Variants in CADPS observed in about 807,000 individuals in gnomAD.
CADPS encodes the protein calcium dependent secretion activator.
CADPS carries 57 observed loss-of-function variants against 167.3 expected under a neutral mutation model. That is an observed-to-expected ratio of 0.34 (90% CI 0.28 to 0.42). The LOEUF is 0.42. CADPS is among the 20% of genes least tolerant of loss of function. The probability of loss-of-function intolerance (pLI) is 1.00; values close to 1 mark genes in which losing one functional copy is unlikely to be tolerated. For missense variants in CADPS, 1,414 were observed against 1,738.1 expected, an observed-to-expected ratio of 0.81 and a Z score of 3.32; for synonymous variants, 676 against 635.3, an observed-to-expected ratio of 1.06 and a Z score of -0.96.
Position 62,778,891 on chromosome 3 carries a change from C to G in CADPS, c.442-12907G>C, listed in dbSNP as rs894854978. On this transcript the variant is annotated intron_variant, in intron 1 of 29. Transcript: ENST00000383710. ...GAAATGGAAACTAGATTTTTCTTTT[C>G]CAGAAAGAACATTTACTTTTTTTTT... is the stretch of plus-strand genomic sequence containing the variant. Among the ~76,000 whole-genome samples, 4 of 142,010 alleles carry G rather than the reference C, an allele frequency of 2.8e-5. No homozygotes were observed. The East Asian group carries it at 8.9e-4, about 32-fold the overall frequency. 93.2% of individuals were successfully genotyped at this position (142,010 alleles called of 152,430 possible).
intron 3 of CADPS, among the ~76,000 whole-genome samples, chr3:62,671,280 T>C (rs190588299): frequency 6.8e-6 from 1 of 147,568 alleles, no homozygotes; most frequent in African/African-American, 2.5e-5. Flanking sequence ...TACAGCTGTG[T>C]TTTTTTTTTA....
intron 17 of CADPS, among the ~76,000 whole-genome samples, chr3:62,508,509 T>C (rs1165593344): frequency 3.3e-5 from 5 of 152,210 alleles, no homozygotes; most frequent in Non-Finnish European, 5.9e-5. Context: ...ATGTTTCTAC[T>C]TCAGGATTTC....
chr3:62,416,797 A>G (rs2050149262), intron 28 of CADPS, among the ~76,000 whole-genome samples: 1 of 152,184 alleles, frequency 6.6e-6, no homozygotes, highest in Non-Finnish European at 1.5e-5. Flanking sequence ...CTAAACACAG[A>G]CAGGACAAAA....
At chr3:62,686,554 A>G (rs1406984720) in intron 3 of CADPS, among the ~76,000 whole-genome samples, 2 of 152,086 alleles carry the variant, frequency 1.3e-5, no homozygotes, top group Non-Finnish European at 1.5e-5. Context: ...GTGATGATAT[A>G]AGATAAAAAT....
chr3:62,576,249 T>C (rs1223509942), intron 8 of CADPS, among the ~76,000 whole-genome samples: 1 of 152,192 alleles, frequency 6.6e-6, no homozygotes, highest in African/African-American at 2.4e-5. Flanking sequence ...CGAGTGGTTA[T>C]ATCTCAGACT....
chr3:62,421,242 C>T lies in CADPS; in HGVS notation c.3777+16862G>A, dbSNP rs2051310409. On this transcript the variant is annotated intron_variant, in intron 28 of 29. Transcript: ENST00000383710. This position sits in a 1 kb window ranked among gnomAD's most constrained non-coding sequence, Gnocchi z 4.7. ...ACAAGGCTCCCTCCCCCTTCCTCCC[C>T]ACACCCCCCACCCTTTTGAGGTGAC... 6.6e-6 allele frequency among the ~76,000 whole-genome samples: 1 copy of T among 151,826 alleles called. No individual in the cohort carries two copies. The highest frequency in any genetic ancestry group is 1.5e-5 in the Non-Finnish European group (1 of 67,986).
intron 8 of CADPS, among the ~76,000 whole-genome samples, chr3:62,584,602 A>G (rs2084172309): frequency 1.3e-5 from 2 of 152,238 alleles, no homozygotes; most frequent in Non-Finnish European, 2.9e-5. Context: ...TGCTAGAAAA[A>G]TCACTGGTCT....
At chr3:62,744,915 A>G (rs2081122712) in intron 3 of CADPS, among the ~76,000 whole-genome samples, 1 of 152,196 alleles carries the variant, frequency 6.6e-6, no homozygotes, top group Non-Finnish European at 1.5e-5. Flanking sequence ...TCAGATAGAA[A>G]TATCTGGCCA....
At chr3:62,871,433 C>G (rs1269792024) in intron 1 of CADPS, among the ~76,000 whole-genome samples, 1 of 152,072 alleles carries the variant, frequency 6.6e-6, no homozygotes, top group Non-Finnish European at 1.5e-5. Context: ...TCTCTCAATT[C>G]AGAGAGAAAT....
At chr3:62,649,866 A>T (rs1286297849) in intron 5 of CADPS, among the ~76,000 whole-genome samples, 1 of 151,794 alleles carries the variant, frequency 6.6e-6, no homozygotes, top group Non-Finnish European at 1.5e-5. Context: ...TTTTTTCACC[A>T]GGCGTATTTT....
At chr3:62,506,099 AT>A (rs1352885855) in intron 17 of CADPS, among the ~76,000 whole-genome samples, 1 of 152,194 alleles carries the variant, frequency 6.6e-6, no homozygotes, top group East Asian at 1.9e-4. Context: ...ATTAAATACT[AT>A]TTAAGACAGC....
intron 17 of CADPS, among the ~76,000 whole-genome samples, chr3:62,501,742 T>A (rs906547320): frequency 9.9e-5 from 15 of 152,022 alleles, no homozygotes; most frequent in African/African-American, 3.1e-4. Flanking sequence ...ATGCACTTTT[T>A]AAAAAAAAGT....
At chr3:62,648,684 G>C (rs55766778) in intron 5 of CADPS, among the ~76,000 whole-genome samples, 117,821 of 121,832 alleles carry the variant, frequency 0.97, 57,058 homozygotes, top group Non-Finnish European at 1. Context: ...AGAGTGAGAC[G>C]TTGTGTCAAA....
At position 62,435,962 on chromosome 3, in the gene CADPS, T is replaced by TATTA. The variant is rs71901508; in HGVS notation, c.3777+2138_3777+2141dup. On this transcript the variant is annotated intron_variant, in intron 28 of 29. Coordinates refer to ENST00000383710, the MANE Select transcript of CADPS (RefSeq NM_003716.4). Reference sequence around the variant, plus strand: ...ATATTTCTTTTTACTATTAATTTACTATTAATTAATTAATTAATTAATTAA... The same window carrying TATTA: ...ATATTTCTTTTTACTATTAATTTACTATTAATTAATTAATTAATTAATTAATTAA... Among the ~76,000 whole-genome samples, 63 of 151,248 alleles carry TATTA rather than the reference T, an allele frequency of 4.2e-4. 1 individual carries two copies. Among genetic ancestry groups the TATTA allele is most frequent in the Middle Eastern group, 6.8e-3 (2 of 294 alleles).
chr3:62,591,955 A>G (rs1313033843), intron 7 of CADPS, among the ~76,000 whole-genome samples: 2 of 152,210 alleles, frequency 1.3e-5, no homozygotes, highest in Non-Finnish European at 2.9e-5. Flanking sequence ...ATCTGTTTAT[A>G]ATGAACTACG....
chr3:62,665,262 A>G (rs2074204967), intron 3 of CADPS, among the ~76,000 whole-genome samples: 1 of 152,244 alleles, frequency 6.6e-6, no homozygotes, highest in Non-Finnish European at 1.5e-5. Flanking sequence ...GAAATTCTAG[A>G]GTAAATAATT....
intron 3 of CADPS, among the ~76,000 whole-genome samples, chr3:62,743,861 GAGC>G (rs1214819643): frequency 6.6e-6 from 1 of 152,160 alleles, no homozygotes; most frequent in Non-Finnish European, 1.5e-5. Flanking sequence ...GGGGAAAAAA[GAGC>G]AGACCAAATA....
intron 1 of CADPS, among the ~76,000 whole-genome samples, chr3:62,766,939 C>A (rs535795410): frequency 6.6e-6 from 1 of 152,186 alleles, no homozygotes; most frequent in East Asian, 1.9e-4. Flanking sequence ...TCTTATTCAT[C>A]GAAGTTTTCC....
At chr3:62,606,929 G>A (rs978231105) in intron 6 of CADPS, among the ~76,000 whole-genome samples, 5 of 152,244 alleles carry the variant, frequency 3.3e-5, no homozygotes, top group African/African-American at 1.2e-4. Context: ...CCATTCAGCT[G>A]AGCCTGGCAT....
Sources: allele counts gnomAD v4.1 joint callset (sites outside exome capture counted in the v4.1 genomes callset), GRCh38; gene constraint gnomAD v4.1.1; non-coding constraint Gnocchi (gnomAD v3.1); transcripts MANE v1.5; gene names NCBI Gene and HGNC (gene_info 2026-07-23, HGNC 2026-07-21).